The following SYNDIG1L variants were observed in gnomAD, a reference collection of about 807,000 sequenced individuals.
SYNDIG1L encodes synapse differentiation inducing 1 like, also known as synapse differentiation-inducing gene protein 1-like.
Under a neutral mutation model 20.1 loss-of-function variants are expected in SYNDIG1L, and 13 were observed. The ratio of observed to expected loss-of-function variants is 0.65; its 90% CI spans 0.42 to 1.03. The LOEUF (loss-of-function observed/expected upper bound fraction) is 1.03, where lower values mean the gene tolerates loss of function less well. SYNDIG1L is among the 50% of genes least tolerant of loss of function. The pLI is 0.00. For synonymous variants in SYNDIG1L, 128 were observed against 129.3 expected (o/e 0.99, Z 0.07); for missense variants, 294 against 305.1 (o/e 0.96, Z 0.27).
the SYNDIG1L span, among the ~76,000 whole-genome samples, chr14:74,446,615 C>CT: frequency 0.38 from 52,966 of 139,200 alleles, 10,235 homozygotes; most frequent in Non-Finnish European, 0.44. Flanking sequence ...TATGTGCTGG[C>CT]TTTTTTTTTT....
At chr14:74,464,750 G>T in the SYNDIG1L span, among the ~76,000 whole-genome samples, 7 of 152,084 alleles carry the variant, frequency 4.6e-5, no homozygotes, top group Non-Finnish European at 8.8e-5. Context: ...CCAAATGGGA[G>T]CCATGGTCCC....
chr14:74,442,651 A>G, the SYNDIG1L span, among the ~76,000 whole-genome samples: 1 of 152,172 alleles, frequency 6.6e-6, no homozygotes, highest in African/African-American at 2.4e-5. Flanking sequence ...CTAACAATAG[A>G]TTTTGGGAGG....
At chr14:74,479,298 G>C in the SYNDIG1L span, 6 of 152,180 alleles carry the variant, frequency 3.9e-5, no homozygotes, top group Non-Finnish European at 7.3e-5. Context: ...AAAAGAACTG[G>C]ATCAAATCAA....
the SYNDIG1L span, among the ~76,000 whole-genome samples, chr14:74,465,204 A>G: frequency 6.6e-6 from 1 of 152,202 alleles, no homozygotes; most frequent in African/African-American, 2.4e-5. Context: ...GGGAGAAGCT[A>G]AAAGTGGTCA....
At chr14:74,469,667 T>A in the SYNDIG1L span, among the ~76,000 whole-genome samples, 1 of 152,330 alleles carries the variant, frequency 6.6e-6, no homozygotes, top group South Asian at 2.1e-4. Context: ...TGTTCCCTGC[T>A]CATTGCTAAG....
chr14:74,416,870 T>C (rs1566583698), intron 1 of SYNDIG1L, among the ~76,000 whole-genome samples: 1 of 152,226 alleles, frequency 6.6e-6, no homozygotes, highest in Non-Finnish European at 1.5e-5. Flanking sequence ...GTGAAGTCTA[T>C]GTCATCATCA....
At chr14:74,447,974 A>C in the SYNDIG1L span, among the ~76,000 whole-genome samples, 2 of 152,138 alleles carry the variant, frequency 1.3e-5, no homozygotes, top group African/African-American at 4.8e-5. Flanking sequence ...TGTACTATAA[A>C]CCCCTAAGTA....
chr14:74,418,404 G>T (rs542810253), intron 1 of SYNDIG1L, among the ~76,000 whole-genome samples: 18 of 152,248 alleles, frequency 1.2e-4, no homozygotes, highest in Non-Finnish European at 2.4e-4. Flanking sequence ...CCTTTCTCTC[G>T]CCTCTGTCTC....
the SYNDIG1L span, among the ~76,000 whole-genome samples, chr14:74,470,193 T>A: frequency 6.6e-5 from 10 of 151,832 alleles, no homozygotes; most frequent in African/African-American, 1.9e-4. Flanking sequence ...AAAAAAAAAA[T>A]TGCTGATGAT....
chr14:74,460,842 T>A, the SYNDIG1L span, among the ~76,000 whole-genome samples: 12 of 152,130 alleles, frequency 7.9e-5, no homozygotes, highest in South Asian at 4.2e-4. Context: ...AGAGACAGGG[T>A]TTCACCATGT....
the SYNDIG1L span, among the ~76,000 whole-genome samples, chr14:74,457,861 G>A: frequency 1.3e-5 from 2 of 152,132 alleles, no homozygotes; most frequent in East Asian, 1.9e-4. Context: ...GCAGTGGTGC[G>A]GTCACAACTC....
the SYNDIG1L span, among the ~76,000 whole-genome samples, chr14:74,445,789 T>G: frequency 1.3e-5 from 2 of 152,206 alleles, no homozygotes; most frequent in Non-Finnish European, 1.5e-5. Flanking sequence ...TGACACATAT[T>G]TGAGTATGCA....
chr14:74,440,324 G>A, the SYNDIG1L span, among the ~76,000 whole-genome samples: 3 of 152,012 alleles, frequency 2.0e-5, no homozygotes, highest in Non-Finnish European at 2.9e-5. Flanking sequence ...GACCATCCTG[G>A]CTAACACAGT....
the SYNDIG1L span, among the ~76,000 whole-genome samples, chr14:74,442,437 T>C: frequency 6.6e-6 from 1 of 152,156 alleles, no homozygotes; most frequent in African/African-American, 2.4e-5. Flanking sequence ...AGAAACAGGA[T>C]GCACGAAAGT....
At chr14:74,451,611 T>G in the SYNDIG1L span, among the ~76,000 whole-genome samples, 2 of 152,204 alleles carry the variant, frequency 1.3e-5, no homozygotes, top group African/African-American at 4.8e-5. Flanking sequence ...TTGAAAGACA[T>G]TTTAAAGAGA....
At chr14:74,476,042 C>G in the SYNDIG1L span, 2 of 188,812 alleles carry the variant, frequency 1.1e-5, no homozygotes, top group Admixed American at 5.4e-5. Flanking sequence ...TACCACTAAA[C>G]ACTAATGTGA....
chr14:74,412,755 C>T (rs1265593846), intron 1 of SYNDIG1L, among the ~76,000 whole-genome samples: 1 of 152,218 alleles, frequency 6.6e-6, no homozygotes, highest in South Asian at 2.1e-4. Flanking sequence ...CCCTGTACTG[C>T]CCCAGTTGCA....
At chr14:74,420,320 T>C (rs2086211326) in intron 1 of SYNDIG1L, among the ~76,000 whole-genome samples, 1 of 143,460 alleles carries the variant, frequency 7.0e-6, no homozygotes, top group African/African-American at 2.6e-5. Flanking sequence ...CACTTGAACC[T>C]GGGAGGCGGA....
chr14:74,476,397 C>G, the SYNDIG1L span: 2 of 821,402 alleles, frequency 2.4e-6, no homozygotes, highest in South Asian at 1.4e-5. Flanking sequence ...GGCTGCTTAT[C>G]TGGGACATAT....
Sources: allele counts gnomAD v4.1 joint callset (sites outside exome capture counted in the v4.1 genomes callset), GRCh38; gene constraint gnomAD v4.1.1; transcripts MANE v1.5; gene names NCBI Gene and HGNC (gene_info 2026-07-23, HGNC 2026-07-21).